GPHN: variants seen among roughly 807,000 people sequenced by gnomAD.
GPHN encodes gephyrin.
A neutral mutation model predicts 95.5 loss-of-function variants in GPHN; 17 were observed. That is an observed-to-expected ratio of 0.18 (90% CI 0.12 to 0.27). GPHN has a LOEUF of 0.27. GPHN is among the 10% of genes least tolerant of loss of function. GPHN has a pLI of 1.00. For synonymous variants in GPHN, 320 were observed against 322.5 expected, an observed-to-expected ratio of 0.99 and a Z score of 0.08; for missense variants, 660 against 978.1, an observed-to-expected ratio of 0.67 and a Z score of 4.34.
At chr14:67,345,788 C>A in the GPHN span, 1 of 1,613,718 alleles carries the variant, frequency 6.2e-7, no homozygotes, top group Non-Finnish European at 8.5e-7. Flanking sequence ...GCTAGTTCCA[C>A]CAGTAGTTCC....
chr14:67,390,485 C>T, the GPHN span, among the ~76,000 whole-genome samples: 1 of 152,186 alleles, frequency 6.6e-6, no homozygotes, highest in Non-Finnish European at 1.5e-5. Flanking sequence ...GAAGCAGGCA[C>T]CTATGTGATG....
At chr14:66,924,612 G>T (rs557648792) in intron 8 of GPHN, among the ~76,000 whole-genome samples, 2 of 152,178 alleles carry the variant, frequency 1.3e-5, no homozygotes, top group East Asian at 1.9e-4. Context: ...TAAATAAATT[G>T]CCTGGCTTAA....
the GPHN span, among the ~76,000 whole-genome samples, chr14:67,658,511 G>C: frequency 6.6e-6 from 1 of 152,172 alleles, no homozygotes; most frequent in Non-Finnish European, 1.5e-5. Context: ...GCAGGAGAAT[G>C]GAGTGAACCC....
At chr14:67,669,998 G>A in the GPHN span, among the ~76,000 whole-genome samples, 2 of 152,210 alleles carry the variant, frequency 1.3e-5, no homozygotes, top group African/African-American at 4.8e-5. Context: ...GGGAGGCTGA[G>A]GTGGGAGGAT....
At chr14:67,127,796 C>T (rs187224768) in intron 17 of GPHN, among the ~76,000 whole-genome samples, 144 of 152,234 alleles carry the variant, frequency 9.5e-4, no homozygotes, top group African/African-American at 3.3e-3. Flanking sequence ...AGAACTTAAA[C>T]TCAAATTTGG....
chr14:67,016,782 C>T (rs2073336747), intron 9 of GPHN, among the ~76,000 whole-genome samples: 1 of 152,076 alleles, frequency 6.6e-6, no homozygotes, highest in Admixed American at 6.5e-5. Context: ...GTTGGCAATT[C>T]ATCTATTATT....
At chr14:67,210,181 C>G in the GPHN span, among the ~76,000 whole-genome samples, 2 of 152,144 alleles carry the variant, frequency 1.3e-5, no homozygotes, top group Non-Finnish European at 2.9e-5. Flanking sequence ...TATGGAAAAC[C>G]TGTAAGTAAT....
intron 1 of GPHN, among the ~76,000 whole-genome samples, chr14:66,628,415 A>G (rs1387794287): frequency 1.3e-5 from 2 of 152,142 alleles, no homozygotes; most frequent in African/African-American, 2.4e-5. Context: ...TGAATATTGT[A>G]GGCAGTTATA....
the GPHN span, among the ~76,000 whole-genome samples, chr14:67,497,096 C>G: frequency 6.7e-6 from 1 of 150,006 alleles, no homozygotes; most frequent in African/African-American, 2.5e-5. Context: ...CTTTCTTTCT[C>G]TCTCTCTCTT....
chr14:66,917,476 C>A (rs1240291869), intron 6 of GPHN, among the ~76,000 whole-genome samples: 2 of 152,168 alleles, frequency 1.3e-5, no homozygotes, highest in African/African-American at 4.8e-5. Context: ...TACTGCATAA[C>A]CTATCCATTC....
chr14:66,854,784 T>C (rs2153517613), intron 4 of GPHN, among the ~76,000 whole-genome samples: 1 of 152,224 alleles, frequency 6.6e-6, no homozygotes, highest in South Asian at 2.1e-4. Flanking sequence ...GTTTTTGGTA[T>C]ATTACATTTA....
the GPHN span, among the ~76,000 whole-genome samples, chr14:67,689,719 G>A: frequency 6.6e-6 from 1 of 152,146 alleles, no homozygotes; most frequent in African/African-American, 2.4e-5. Flanking sequence ...CAAGGTGGGT[G>A]GATCACCTGA....
At chr14:66,614,291 C>T (rs960939655) in intron 1 of GPHN, among the ~76,000 whole-genome samples, 8 of 152,052 alleles carry the variant, frequency 5.3e-5, no homozygotes, top group African/African-American at 1.7e-4. Context: ...CCAGATCAAA[C>T]GAGTAAGAGG....
At chr14:67,478,548 G>A in the GPHN span, among the ~76,000 whole-genome samples, 9 of 151,904 alleles carry the variant, frequency 5.9e-5, no homozygotes, top group African/African-American at 1.2e-4. Context: ...ATGCAAATCC[G>A]ATGTTTCTCA....
chr14:67,429,686 A>C, the GPHN span, among the ~76,000 whole-genome samples: 3 of 152,198 alleles, frequency 2.0e-5, no homozygotes, highest in Non-Finnish European at 2.9e-5. Flanking sequence ...CAGTGAGTTG[A>C]GATTGCGCCA....
At chr14:66,644,585 G>C (rs2064625523) in intron 1 of GPHN, among the ~76,000 whole-genome samples, 1 of 152,040 alleles carries the variant, frequency 6.6e-6, no homozygotes, top group Non-Finnish European at 1.5e-5. Flanking sequence ...GCACTTTATT[G>C]ACTTATTTAA....
chr14:66,679,295 T>G (rs1335891028), intron 1 of GPHN, among the ~76,000 whole-genome samples: 1 of 152,252 alleles, frequency 6.6e-6, no homozygotes, highest in Non-Finnish European at 1.5e-5. Flanking sequence ...TAGTTTCTGT[T>G]AAAAATTCAG....
At chr14:67,392,745 C>A in the GPHN span, 1 of 1,614,192 alleles carries the variant, frequency 6.2e-7, no homozygotes, top group Non-Finnish European at 8.5e-7. Context: ...CGGACACCCA[C>A]AGGCCTGAGG....
intron 12 of GPHN, among the ~76,000 whole-genome samples, chr14:67,093,284 C>T (rs1367361246): frequency 6.6e-6 from 1 of 151,974 alleles, no homozygotes; most frequent in African/African-American, 2.4e-5. Flanking sequence ...TTAACTTACC[C>T]CCTGGCCACT....
Sources: allele counts gnomAD v4.1 joint callset (sites outside exome capture counted in the v4.1 genomes callset), GRCh38; gene constraint gnomAD v4.1.1; transcripts MANE v1.5; gene names NCBI Gene and HGNC (gene_info 2026-07-23, HGNC 2026-07-21).